Variants in RASGEF1C observed in about 807,000 individuals in gnomAD.
The protein encoded by RASGEF1C is RasGEF domain family member 1C.
Under a neutral mutation model 58.1 loss-of-function variants are expected in RASGEF1C, and 27 were observed. That is an observed-to-expected ratio of 0.46 (90% CI 0.34 to 0.64). The LOEUF is 0.64. Ranked by LOEUF, RASGEF1C falls within the 30% of genes least tolerant of loss-of-function variation. The pLI is 0.01. For missense variants in RASGEF1C, 502 were observed against 605.1 expected, an observed-to-expected ratio of 0.83 and a Z score of 1.79; for synonymous variants, 243 against 246.3, an observed-to-expected ratio of 0.99 and a Z score of 0.13.
At position 180,121,057 on chromosome 5, in the gene RASGEF1C, C is replaced by T. The variant is rs1444676884; in HGVS notation, c.804+3G>A. 2 of 1,611,858 alleles carry T rather than the reference C, an allele frequency of 1.2e-6. No individual in the cohort carries two copies. The highest frequency in any genetic ancestry group is 2.7e-5 in the African/African-American group (2 of 74,920). ...GTGGTGCCCACCCTGGCTGTCTACT[C>T]ACCATGCAGATCTCAGTTGCCACCA... On this transcript the variant is annotated splice_donor_region_variant and intron_variant, in intron 7 of 13. Coordinates refer to ENST00000361132, the MANE Select transcript of RASGEF1C (RefSeq NM_175062.4).
chr5:180,136,845 A>C, intron 3 of RASGEF1C: 4 of 337,750 alleles, frequency 1.2e-5, no homozygotes, highest in Non-Finnish European at 5.5e-6. Flanking sequence ...GTGCCGACCA[A>C]TCAGAGCAGG....
At chr5:180,140,750 G>A (rs894721671) in intron 1 of RASGEF1C, among the ~76,000 whole-genome samples, 2 of 152,228 alleles carry the variant, frequency 1.3e-5, no homozygotes, top group African/African-American at 4.8e-5. Context: ...GCTCCAGCCT[G>A]CCTGGAATGG....
intron 1 of RASGEF1C, among the ~76,000 whole-genome samples, chr5:180,178,371 C>T (rs1258858164): frequency 6.9e-6 from 1 of 144,306 alleles, no homozygotes; most frequent in African/African-American, 2.6e-5. Context: ...CCTTTGCCTC[C>T]TGGATTCAAG....
rs563512816 is a variant in RASGEF1C, at chr5:180,195,305, C to A, written c.-7+13723G>T. On this transcript the variant is annotated intron_variant, in intron 1 of 13. Transcript: ENST00000361132. ...GGTGCCCTGAGGCCCAGGGGCCTGACTAACTCAGTGGTCTCCAAACTGAGA... is the reference window on the plus strand; with the variant it reads ...GGTGCCCTGAGGCCCAGGGGCCTGAATAACTCAGTGGTCTCCAAACTGAGA... Among the ~76,000 whole-genome samples, 34 of 152,266 alleles carry A rather than the reference C, an allele frequency of 2.2e-4. No individual in the cohort carries two copies. In the South Asian group the frequency reaches 2.9e-3, roughly 13 times the overall value.
Position 180,114,560 on chromosome 5 carries a change from A to G in RASGEF1C, c.1084-19T>C. 2 of 1,601,640 alleles carry G rather than the reference A, an allele frequency of 1.2e-6. No individual in the cohort carries two copies. Among genetic ancestry groups the G allele is most frequent in the Middle Eastern group, 1.7e-4 (1 of 5,988 alleles). On this transcript the variant is annotated intron_variant, in intron 10 of 13. Coordinates refer to ENST00000361132, the MANE Select transcript of RASGEF1C (RefSeq NM_175062.4). ...TGACAATCTGGAAGAAAGAGGGGGC[A>G]GGTCGGCCCCAGCCGGCCCTCCACA... is the stretch of plus-strand genomic sequence containing the variant.
At position 180,155,983 on chromosome 5, in the gene RASGEF1C, C is replaced by T. The variant is rs1766842534; in HGVS notation, c.-6-17925G>A. On this transcript the variant is annotated intron_variant, in intron 1 of 13. Coordinates refer to ENST00000361132, the MANE Select transcript of RASGEF1C (RefSeq NM_175062.4). This position sits in a 1 kb window ranked among gnomAD's most constrained non-coding sequence, Gnocchi z 5.2. ...GCAAAGCCTGGGCTTTGCTTCGAGA[C>T]AATTACTATTATTATTATTACAGCA... Among the ~76,000 whole-genome samples the T allele has an allele frequency of 6.6e-6, 1 of 152,108 alleles. No individual in the cohort carries two copies. Among genetic ancestry groups the T allele is most frequent in the Non-Finnish European group, 1.5e-5 (1 of 68,024 alleles).
intron 1 of RASGEF1C, among the ~76,000 whole-genome samples, chr5:180,162,729 T>G (rs1192601013): frequency 6.6e-6 from 1 of 152,216 alleles, no homozygotes; most frequent in Non-Finnish European, 1.5e-5. Context: ...TCTATATACA[T>G]TTTAGAATTA....
chr5:180,139,419 C>A (rs1169308745), intron 1 of RASGEF1C, among the ~76,000 whole-genome samples: 2 of 152,194 alleles, frequency 1.3e-5, no homozygotes, highest in Non-Finnish European at 2.9e-5. Flanking sequence ...TCTGAGTGAC[C>A]CTGCCCTGGG....
chr5:180,172,624 C>T (rs529545531), intron 1 of RASGEF1C, among the ~76,000 whole-genome samples: 42 of 152,298 alleles, frequency 2.8e-4, no homozygotes, highest in African/African-American at 9.6e-4. Context: ...CAGGTCTGTA[C>T]TGTCCTTTCT....
chr5:180,132,693 G>A lies in RASGEF1C; in HGVS notation c.438+3685C>T, dbSNP rs116777691. Among the ~76,000 whole-genome samples the A allele has an allele frequency of 8.6e-3, 1,315 of 152,288 alleles. 30 individuals are homozygous for A. Among genetic ancestry groups the A allele is most frequent in the African/African-American group, 0.03 (1,253 of 41,574 alleles). ...GCGAGTTAGAAAGCAAGACCAGGCCGGGCGCGGTGGCTCATGCCTGTAATC... is the reference window on the plus strand; with the variant it reads ...GCGAGTTAGAAAGCAAGACCAGGCCAGGCGCGGTGGCTCATGCCTGTAATC... On this transcript the variant is annotated intron_variant, in intron 4 of 13. Coordinates refer to ENST00000361132, the MANE Select transcript of RASGEF1C (RefSeq NM_175062.4).
At chr5:180,119,004 G>A (rs1235649439) in intron 8 of RASGEF1C, 138 bp from the exon 9 acceptor site, 6 of 768,848 alleles carry the variant, frequency 7.8e-6, no homozygotes, top group Non-Finnish European at 1.3e-5. Flanking sequence ...TGGGTGAGGG[G>A]GTGCTGGTGG....
chr5:180,183,701 G>C (rs1009361305), intron 1 of RASGEF1C, among the ~76,000 whole-genome samples: 5 of 150,490 alleles, frequency 3.3e-5, no homozygotes, highest in Admixed American at 3.3e-4. Flanking sequence ...ATGCATGCCT[G>C]TAATTCAACT....
chr5:180,102,474 A>G (rs561740904), intron 12 of RASGEF1C, among the ~76,000 whole-genome samples: 49 of 152,316 alleles, frequency 3.2e-4, no homozygotes, highest in African/African-American at 1.2e-3. Context: ...CTAGCCCTAT[A>G]TTCTGAGGGT....
chr5:180,136,338 G>A, intron 4 of RASGEF1C, 40 bp downstream of exon 4: 1 of 1,534,898 alleles, frequency 6.5e-7, no homozygotes, highest in East Asian at 2.5e-5. Context: ...CCTGGGACGG[G>A]AGGGACCCAG....
At chr5:180,134,823 T>G (rs2113274316) in intron 4 of RASGEF1C, among the ~76,000 whole-genome samples, 1 of 4,226 alleles carries the variant, frequency 2.4e-4, no homozygotes, top group Non-Finnish European at 1.3e-3. Flanking sequence ...CTACCCTTGC[T>G]TCCTCCTTTC....
At position 180,175,473 on chromosome 5, in the gene RASGEF1C, A is replaced by C. The variant is rs529361392; in HGVS notation, c.-7+33555T>G. Among the ~76,000 whole-genome samples the C allele has an allele frequency of 2.0e-3, 302 of 152,320 alleles. 2 individuals carry two copies. The highest frequency in any genetic ancestry group is 7.0e-3 in the African/African-American group (292 of 41,572). On this transcript the variant is annotated intron_variant, in intron 1 of 13. Transcript: ENST00000361132. Reference sequence around the variant, plus strand: ...CACACCTGCCATGTGCAGCCCCCTGAGTCCTGCTAAGAGCCCGGCCTTGGG... The same window carrying C: ...CACACCTGCCATGTGCAGCCCCCTGCGTCCTGCTAAGAGCCCGGCCTTGGG...
rs1561746332 is a variant in RASGEF1C at position 180,158,554 on chromosome 5, C to A, written c.-6-20496G>T. Among the ~76,000 whole-genome samples, 1 of 152,210 alleles carries A rather than the reference C, an allele frequency of 6.6e-6. No individual in the cohort carries two copies. Among genetic ancestry groups the A allele is most frequent in the Non-Finnish European group, 1.5e-5 (1 of 68,034 alleles). The stretch of plus-strand genomic sequence containing the variant: ...CATTGTTTTCTGGCTTCTCTCTTAA[C>A]TTTGTAGAATTTTCTTTGTTCCCGT... On this transcript the variant is annotated intron_variant, in intron 1 of 13. Coordinates refer to ENST00000361132, the MANE Select transcript of RASGEF1C (RefSeq NM_175062.4). The surrounding 1 kb of genome is among the most constrained non-coding windows in gnomAD (Gnocchi z 4.0).
chr5:180,112,923 AT>A lies in RASGEF1C; in HGVS notation c.1180-1344del, dbSNP rs1765983635. On this transcript the variant is annotated intron_variant, in intron 11 of 13. Coordinates refer to ENST00000361132, the MANE Select transcript of RASGEF1C (RefSeq NM_175062.4). Reference sequence around the variant, plus strand: ...GGAGGGACCGTGGATGGACAGAGGGATCCGGGATGGACGGAGGGACCGGGGA... The same window carrying A: ...GGAGGGACCGTGGATGGACAGAGGGACCGGGATGGACGGAGGGACCGGGGA... 1.2e-4 allele frequency among the ~76,000 whole-genome samples: 18 copies of A among 145,638 alleles called. 3 individuals carry two copies. The East Asian group carries it at 1.9e-3, about 16-fold the overall frequency.
In RASGEF1C at chr5:180,168,876, TCA is replaced by T. The variant is rs1232530206; in HGVS notation, c.-6-30820_-6-30819del. On this transcript the variant is annotated intron_variant, in intron 1 of 13. Coordinates refer to ENST00000361132, the MANE Select transcript of RASGEF1C (RefSeq NM_175062.4). The surrounding 1 kb of genome is among the most constrained non-coding windows in gnomAD (Gnocchi z 6.0). ...AGAAGCAGAGGGTTTCTCCTGGAGT[TCA>T]CTGTCAGTGCTGATGTCCGTCCAGG... 5.3e-5 allele frequency among the ~76,000 whole-genome samples: 8 copies of T among 152,214 alleles called. No individual in the cohort carries two copies. Among genetic ancestry groups the T allele is most frequent in the African/African-American group, 1.4e-4 (6 of 41,458 alleles).
Sources: gnomAD v4.1 joint callset for allele counts (sites outside exome capture counted in the v4.1 genomes callset) on GRCh38, gnomAD v4.1.1 for gene constraint, Gnocchi (gnomAD v3.1) non-coding constraint, MANE v1.5 for transcripts, NCBI Gene and HGNC (gene_info 2026-07-23, HGNC 2026-07-21) for gene names.